AGK: variants seen among roughly 807,000 people sequenced by gnomAD.
AGK encodes the protein acylglycerol kinase, also known as acylglycerol kinase, mitochondrial.
AGK carries 52 observed loss-of-function variants against 66.4 expected under a neutral mutation model. The ratio of observed to expected loss-of-function variants is 0.78; its 90% confidence interval spans 0.63 to 0.99. AGK has a LOEUF of 0.99. AGK is among the 50% of genes least tolerant of loss of function. The pLI is 0.00. For synonymous variants in AGK, 182 were observed against 181.1 expected, an observed-to-expected ratio of 1.00 and a Z score of -0.04; for missense variants, 451 against 506.6, an observed-to-expected ratio of 0.89 and a Z score of 1.05.
chr7:141,594,872 C>T (rs544221438), intron 3 of AGK, among the ~76,000 whole-genome samples: 15 of 152,084 alleles, frequency 9.9e-5, no homozygotes, highest in Middle Eastern at 3.4e-3. Flanking sequence ...AGGCTGGTCT[C>T]GAACTCCTGA....
chr7:141,626,341 G>C (rs547930613), intron 9 of AGK, among the ~76,000 whole-genome samples: 1 of 152,116 alleles, frequency 6.6e-6, no homozygotes, highest in Non-Finnish European at 1.5e-5. Context: ...ATAGAAAATC[G>C]CCATTTTTTA....
chr7:141,621,634 ATGTG>A (rs142576028), intron 8 of AGK, 94 bp from the exon 9 acceptor site: 19 of 763,870 alleles, frequency 2.5e-5, no homozygotes, highest in South Asian at 6.1e-5. Context: ...GAGAGAGAAT[ATGTG>A]TGTGTGTGTG....
In AGK at chr7:141,551,465, C is replaced by G. The variant is rs13242345; in HGVS notation, c.-15+31C>G. 13,992 of 153,246 alleles carry G rather than the reference C, an allele frequency of 0.091. 1,400 individuals carry two copies. The highest frequency in any genetic ancestry group is 0.25 in the African/African-American group (10,257 of 41,542). 9.5% of individuals were successfully genotyped at this position (153,246 alleles called of 1,614,324 possible). On this transcript the variant is annotated intron_variant, in intron 1 of 15. Transcript: ENST00000649286. Reference sequence around the variant, plus strand: ...TGCAGCGGCGCCCAGGCGGGGAGCGCAGTGCGGGTCGCTGGGACTGAGCGC... The same window carrying G: ...TGCAGCGGCGCCCAGGCGGGGAGCGGAGTGCGGGTCGCTGGGACTGAGCGC...
intron 2 of AGK, among the ~76,000 whole-genome samples, chr7:141,583,820 G>A (rs1171843314): frequency 2.0e-5 from 3 of 151,960 alleles, no homozygotes; most frequent in Non-Finnish European, 4.4e-5. Flanking sequence ...CGGAAAGATG[G>A]CACCAAGATT....
chr7:141,554,191 A>G (rs1266866259), intron 1 of AGK, among the ~76,000 whole-genome samples: 1 of 152,004 alleles, frequency 6.6e-6, no homozygotes, highest in Non-Finnish European at 1.5e-5. Context: ...AAAAGGAAAG[A>G]AAAAAATTAG....
Position 141,641,832 on chromosome 7 carries a change from C to A in AGK, c.899C>A (p.Pro300Gln), listed in dbSNP as rs143558063. 6.3e-7 allele frequency: 1 copy of A among 1,581,708 alleles called. No individual in the cohort carries two copies. The highest frequency in any genetic ancestry group is 8.6e-7 in the Non-Finnish European group (1 of 1,162,896). ...PQDALSQEVS[P>Q]EVWKDVQLST... is the part of the protein sequence containing the mutation. ...ACAGCCCTTTCCCAAGAGGTGAGCCCGGAGGTCTGGAAAGATGTGCAGCTG... is the reference window on the plus strand; with the variant it reads ...ACAGCCCTTTCCCAAGAGGTGAGCCAGGAGGTCTGGAAAGATGTGCAGCTG... The change falls in exon 13 of 16, where the codon CCG becomes CAG. Residue 300 changes from proline to glutamine, a missense_variant. Physicochemically the swap from Pro to Gln is moderately conservative, Grantham distance 76 (BLOSUM62 -1). Coordinates refer to ENST00000649286, the MANE Select transcript of AGK (RefSeq NM_018238.4).
chr7:141,652,209 G>T (rs1037471552), intron 15 of AGK, among the ~76,000 whole-genome samples: 1 of 152,166 alleles, frequency 6.6e-6, no homozygotes, highest in Non-Finnish European at 1.5e-5. Flanking sequence ...TAAACAGAAG[G>T]TATCCCCATA....
intron 14 of AGK, among the ~76,000 whole-genome samples, 200 bp downstream of exon 14, chr7:141,649,533 T>G (rs1797502922): frequency 1.3e-5 from 2 of 152,330 alleles, no homozygotes; most frequent in Non-Finnish European, 2.9e-5. Flanking sequence ...TTTGTGGGGA[T>G]CAGAATGTAA....
At chr7:141,572,933 G>A (rs1474649231) in intron 2 of AGK, among the ~76,000 whole-genome samples, 9 of 152,064 alleles carry the variant, frequency 5.9e-5, no homozygotes, top group Admixed American at 1.3e-4. Flanking sequence ...AGTATCTTTG[G>A]GGTTTCTGAC....
rs764881954 is a variant in AGK, at chr7:141,652,915, C to T, written c.1260C>T (p.Pro420=). Residue 420 remains proline, a synonymous_variant, in exon 16 of 16, where the codon CCC becomes CCT. Coordinates refer to ENST00000649286, the MANE Select transcript of AGK (RefSeq NM_018238.4). ...AGAGAGAACAGATGCTCACAAGCCC[C>T]ACCCAGTGAGCAGCAGAAGACAAGC... ...PRKREQMLTS[P]TQ The T allele has an allele frequency of 6.2e-7, 1 of 1,613,952 alleles. No individual in the cohort carries two copies. Among genetic ancestry groups the T allele is most frequent in the East Asian group, 2.2e-5 (1 of 44,866 alleles).
At chr7:141,639,450 A>G (rs1797240782) in intron 11 of AGK, among the ~76,000 whole-genome samples, 1 of 152,176 alleles carries the variant, frequency 6.6e-6, no homozygotes, top group African/African-American at 2.4e-5. Flanking sequence ...GCATGACTGA[A>G]TTGGCAAAAT....
chr7:141,591,206 C>T (rs1193602871), intron 2 of AGK, among the ~76,000 whole-genome samples: 1 of 151,036 alleles, frequency 6.6e-6, no homozygotes, highest in Non-Finnish European at 1.5e-5. Flanking sequence ...AATTCTCCTG[C>T]CTCAGCCTCC....
chr7:141,613,640 T>C (rs959189654), intron 6 of AGK, among the ~76,000 whole-genome samples: 1 of 152,076 alleles, frequency 6.6e-6, no homozygotes, highest in Non-Finnish European at 1.5e-5. Flanking sequence ...AAAATAATAA[T>C]AGTTGTTTAT....
intron 2 of AGK, among the ~76,000 whole-genome samples, chr7:141,574,350 CCAGT>C (rs1333453777): frequency 6.6e-6 from 1 of 152,116 alleles, no homozygotes; most frequent in Non-Finnish European, 1.5e-5. Flanking sequence ...AACATAGCAG[CCAGT>C]CAGAGGCAGA....
In AGK at chr7:141,649,286, C is replaced by A. The variant is rs780400635; in HGVS notation, c.999C>A (p.Ile333=). 6.2e-7 allele frequency: 1 copy of A among 1,613,458 alleles called. No homozygotes were observed. Among genetic ancestry groups the A allele is most frequent in the South Asian group, 1.1e-5 (1 of 91,042 alleles). The change falls in exon 14 of 16, where the codon ATC becomes ATA. Residue 333 remains isoleucine (I), a synonymous_variant. Transcript: ENST00000649286. ...AGAGCAAAGAAGATTTTCTGAATAT[C>A]TGCATTGAACCTGACACCATCAGCA... is the stretch of plus-strand genomic sequence containing the variant. ...DPTSKEDFLN[I]CIEPDTISKG...
At chr7:141,635,687 T>G (rs1202197803) in intron 10 of AGK, among the ~76,000 whole-genome samples, 1 of 152,182 alleles carries the variant, frequency 6.6e-6, no homozygotes, top group African/African-American at 2.4e-5. Context: ...TTATCCTATT[T>G]CCCATACTCT....
chr7:141,576,399 C>A (rs1795738454), intron 2 of AGK, among the ~76,000 whole-genome samples: 1 of 151,718 alleles, frequency 6.6e-6, no homozygotes, highest in African/African-American at 2.4e-5. Context: ...TAATTCCGAT[C>A]TGCTATTTTA....
intron 2 of AGK, among the ~76,000 whole-genome samples, chr7:141,582,174 G>T (rs1795896012): frequency 6.6e-6 from 1 of 152,134 alleles, no homozygotes; most frequent in Admixed American, 6.5e-5. Context: ...GTCCTGTACA[G>T]ATGGGACATA....
intron 2 of AGK, among the ~76,000 whole-genome samples, chr7:141,565,411 G>A (rs1462416789): frequency 6.6e-6 from 1 of 152,146 alleles, no homozygotes; most frequent in Non-Finnish European, 1.5e-5. Flanking sequence ...AGCACTTTGG[G>A]AGGCCGAGGC....
Sources: gnomAD v4.1 joint callset for allele counts (sites outside exome capture counted in the v4.1 genomes callset) on GRCh38, gnomAD v4.1.1 for gene constraint, MANE v1.5 for transcripts, NCBI Gene and HGNC (gene_info 2026-07-23, HGNC 2026-07-21) for gene names.